Variants in SMAD2 observed in about 807,000 individuals in gnomAD.
The protein encoded by SMAD2 is SMAD family member 2.
In SMAD2, 8 loss-of-function variants were observed where a neutral mutation model predicts 64.4. That is an observed-to-expected ratio of 0.12 (90% CI 0.07 to 0.22). The LOEUF (loss-of-function observed/expected upper bound fraction) is 0.22, where lower values mean the gene tolerates loss of function less well. Ranked by LOEUF, SMAD2 falls within the 10% of genes least tolerant of loss-of-function variation. The probability of loss-of-function intolerance (pLI) is 1.00; values close to 1 mark genes in which losing one functional copy is unlikely to be tolerated. For missense variants in SMAD2, 289 were observed against 561.2 expected, an observed-to-expected ratio of 0.51 and a Z score of 4.90; for synonymous variants, 203 against 195.8, an observed-to-expected ratio of 1.04 and a Z score of -0.31.
intron 3 of SMAD2, among the ~76,000 whole-genome samples, 160 bp downstream of exon 3, chr18:47,870,315 A>G (rs117831128): frequency 0.018 from 2,707 of 152,276 alleles, 31 homozygotes; most frequent in Non-Finnish European, 0.029. Context: ...CATTTAATAT[A>G]TTTTTTATAC....
chr18:47,810,074 G>A lies in SMAD2; in HGVS notation c.*31753C>T, dbSNP rs1345085136. On this transcript the variant is annotated 3_prime_UTR_variant, in exon 11 of 11. Coordinates refer to ENST00000262160, the MANE Select transcript of SMAD2 (RefSeq NM_005901.6). ...GAAGTCAGAGGGCTTCTGCCATCCT[G>A]CCTGCCTAGACGAGCTGATCTGAGT... 1 of 152,102 alleles carries A rather than the reference G, an allele frequency of 6.6e-6. No individual in the cohort carries two copies. The highest frequency in any genetic ancestry group is 2.4e-5 in the African/African-American group (1 of 41,414). The allele number at this position is 152,102 out of a possible 1,614,324, so 9.4% of individuals were successfully genotyped here. A position where few individuals can be genotyped will look rare whatever the true frequency, so the allele number is the denominator to read the frequency against.
rs189010559 is a variant in SMAD2 at position 47,829,171 on chromosome 18, C to T, written c.*12656G>A. On this transcript the variant is annotated 3_prime_UTR_variant, in exon 11 of 11. Coordinates refer to ENST00000262160, the MANE Select transcript of SMAD2 (RefSeq NM_005901.6). ...GACGTGGCAATGCACCTGATGGAGACGTTTAATTTCTTCACTACAAGGAAT... is the reference window on the plus strand; with the variant it reads ...GACGTGGCAATGCACCTGATGGAGATGTTTAATTTCTTCACTACAAGGAAT... 1.4e-4 allele frequency: 21 copies of T among 152,078 alleles called. No homozygotes were observed. The highest frequency in any genetic ancestry group is 4.6e-4 in the African/African-American group (19 of 41,506). The allele number at this position is 152,078 out of a possible 1,614,324, so 9.4% of individuals were successfully genotyped here.
chr18:47,866,109 G>A (rs915970464), intron 5 of SMAD2, among the ~76,000 whole-genome samples: 6 of 152,016 alleles, frequency 3.9e-5, no homozygotes, highest in Non-Finnish European at 8.8e-5. Context: ...CTGAGGTGGG[G>A]AGTTCGAGAC....
rs551107043 is a variant in SMAD2, at chr18:47,865,980, A to G, written c.656-847T>C. On this transcript the variant is annotated intron_variant, in intron 5 of 10. Coordinates refer to ENST00000262160, the MANE Select transcript of SMAD2 (RefSeq NM_005901.6). ...CATTTACACTGAACAGTTTTGAGCG[A>G]TTCAAGATAACAAAGACACATATCC... 2.0e-4 allele frequency among the ~76,000 whole-genome samples: 30 copies of G among 152,288 alleles called. 1 individual carries two copies. Among genetic ancestry groups the G allele is most frequent in the South Asian group, 1.0e-3 (5 of 4,834 alleles).
At chr18:47,877,191 G>GA (rs2032314926) in intron 2 of SMAD2, among the ~76,000 whole-genome samples, 3 of 150,574 alleles carry the variant, frequency 2.0e-5, no homozygotes, top group Non-Finnish European at 4.4e-5. Context: ...AATCAAAAGG[G>GA]ATAACAACCT....
At chr18:47,898,569 T>C (rs1025739771) in intron 1 of SMAD2, among the ~76,000 whole-genome samples, 1 of 152,202 alleles carries the variant, frequency 6.6e-6, no homozygotes, top group Non-Finnish European at 1.5e-5. Flanking sequence ...ATAGATTATA[T>C]GCTAAGATTC....
chr18:47,862,083 G>C lies in SMAD2; in HGVS notation c.730+2976C>G, dbSNP rs1258189736. Among the ~76,000 whole-genome samples, 3 of 152,236 alleles carry C rather than the reference G, an allele frequency of 2.0e-5. No individual in the cohort carries two copies. The South Asian group carries it at 6.2e-4, about 32-fold the overall frequency. On this transcript the variant is annotated intron_variant, in intron 6 of 10. Transcript: ENST00000262160. ...TGTAAGTGGAGTGTATGGGAAAACT[G>C]TCTAGGAGTACAAAAAACTAGTAGT...
rs776689533 is a variant in SMAD2 at position 47,825,000 on chromosome 18, T to C, written c.*16827A>G. 3.3e-5 allele frequency: 5 copies of C among 152,118 alleles called. No individual in the cohort carries two copies. The highest frequency in any genetic ancestry group is 7.4e-5 in the Non-Finnish European group (5 of 68,008). 9.4% of individuals were successfully genotyped at this position (152,118 alleles called of 1,614,324 possible). ...ACATACAAATAAAGACTGGAAAAAA[T>C]ATACACCAGTCGTTTTCTCTGGTTG... On this transcript the variant is annotated 3_prime_UTR_variant, in exon 11 of 11. Coordinates refer to ENST00000262160, the MANE Select transcript of SMAD2 (RefSeq NM_005901.6).
At chr18:47,855,064 T>G (rs1187943985) in intron 6 of SMAD2, among the ~76,000 whole-genome samples, 1 of 152,328 alleles carries the variant, frequency 6.6e-6, no homozygotes, top group East Asian at 1.9e-4. Flanking sequence ...TCCATAGTTC[T>G]GCCTTCTCCA....
At chr18:47,921,830 T>G (rs113751631) in intron 1 of SMAD2, among the ~76,000 whole-genome samples, 1 of 152,342 alleles carries the variant, frequency 6.6e-6, no homozygotes, top group African/African-American at 2.4e-5. Flanking sequence ...ATCAACTGTA[T>G]ACATAAGAGA....
chr18:47,833,886 T>A lies in SMAD2; in HGVS notation c.*7941A>T, dbSNP rs149712371. The A allele has an allele frequency of 3.1e-5, 7 of 227,992 alleles. No individual in the cohort carries two copies. The East Asian group carries it at 4.4e-4, about 14-fold the overall frequency. The allele number at this position is 227,992 out of a possible 1,614,324, so 14.1% of individuals were successfully genotyped here. A position where few individuals can be genotyped will look rare whatever the true frequency, so the allele number is the denominator to read the frequency against. ...TTCCTTTTACTATGAAAAATGTAAATTTCAGATTAAGTTTAACCCCATAAG... is the reference window on the plus strand; with the variant it reads ...TTCCTTTTACTATGAAAAATGTAAAATTCAGATTAAGTTTAACCCCATAAG... On this transcript the variant is annotated 3_prime_UTR_variant, in exon 11 of 11. Transcript: ENST00000262160.
intron 6 of SMAD2, among the ~76,000 whole-genome samples, chr18:47,863,859 T>C (rs2031368172): frequency 6.6e-6 from 1 of 152,140 alleles, no homozygotes; most frequent in African/African-American, 2.4e-5. Flanking sequence ...ACAGGAAACT[T>C]TTCCAAAGTG....
At chr18:47,899,225 CA>C (rs1568097390) in intron 1 of SMAD2, among the ~76,000 whole-genome samples, 1 of 152,012 alleles carries the variant, frequency 6.6e-6, no homozygotes, top group African/African-American at 2.4e-5. Context: ...ATTTGGGGAA[CA>C]TAAGTGTTGT....
chr18:47,835,915 G>C lies in SMAD2; in HGVS notation c.*5912C>G, dbSNP rs895509143. On this transcript the variant is annotated 3_prime_UTR_variant, in exon 11 of 11. Transcript: ENST00000262160. ...AGAATACTTTTCTCGAAATTTTTTTGAAGAAAAATCTAAAAGCCCTCTATG... is the reference window on the plus strand; with the variant it reads ...AGAATACTTTTCTCGAAATTTTTTTCAAGAAAAATCTAAAAGCCCTCTATG... 1.4e-5 allele frequency: 3 copies of C among 207,348 alleles called. No individual in the cohort carries two copies. The highest frequency in any genetic ancestry group is 2.9e-5 in the Non-Finnish European group (3 of 101,862). 12.8% of individuals were successfully genotyped at this position (207,348 alleles called of 1,614,324 possible).
chr18:47,892,776 G>T (rs958208197), intron 2 of SMAD2, among the ~76,000 whole-genome samples: 1 of 152,102 alleles, frequency 6.6e-6, no homozygotes, highest in African/African-American at 2.4e-5. Context: ...ACAATATTCT[G>T]ATTATTTCCT....
At chr18:47,864,863 A>C (rs1265048653) in intron 6 of SMAD2, among the ~76,000 whole-genome samples, 196 bp downstream of exon 6, 1 of 152,224 alleles carries the variant, frequency 6.6e-6, no homozygotes, top group Non-Finnish European at 1.5e-5. Context: ...TCTGCAGAGT[A>C]GCATACGTTA....
chr18:47,890,122 C>T (rs1268583328), intron 2 of SMAD2, among the ~76,000 whole-genome samples: 1 of 152,186 alleles, frequency 6.6e-6, no homozygotes, highest in Non-Finnish European at 1.5e-5. Context: ...CCTCAAAATA[C>T]CTAACTGTAA....
intron 4 of SMAD2, 124 bp from the exon 5 acceptor site, chr18:47,868,581 C>G (rs1403446419): frequency 2.8e-6 from 2 of 720,058 alleles, no homozygotes; most frequent in Non-Finnish European, 4.9e-6. Context: ...TCCACCTACT[C>G]GATATATACT....
Position 47,850,816 on chromosome 18 carries a change from AT to A in SMAD2, c.784+457del, listed in dbSNP as rs2029940559. On this transcript the variant is annotated intron_variant, in intron 7 of 10. Transcript: ENST00000262160. ...ATATTATATATATTATGTATAATAT[AT>A]TATATATTATATATATTATGTATAT... Among the ~76,000 whole-genome samples the A allele has an allele frequency of 3.9e-4, 7 of 17,766 alleles. 2 individuals carry two copies. The highest frequency in any genetic ancestry group is 4.9e-4 in the Non-Finnish European group (5 of 10,260). The allele number at this position is 17,766 out of a possible 152,430, so 11.7% of individuals were successfully genotyped here.
Sources: gnomAD v4.1 joint callset for allele counts (sites outside exome capture counted in the v4.1 genomes callset) on GRCh38, gnomAD v4.1.1 for gene constraint, MANE v1.5 for transcripts, NCBI Gene and HGNC (gene_info 2026-07-23, HGNC 2026-07-21) for gene names.